Variants in STEAP3 observed in about 807,000 individuals in gnomAD.
The protein encoded by STEAP3 is STEAP3 metalloreductase.
STEAP3 carries 35 observed loss-of-function variants against 34.9 expected under a neutral mutation model. The observed-to-expected ratio is 1.00, with a 90% CI of 0.76 to 1.33. STEAP3 has a LOEUF of 1.33. Among genes scored for constraint, STEAP3 ranks in the 40% most tolerant of loss-of-function variants. The pLI, the probability that STEAP3 is intolerant of heterozygous loss-of-function variation, is 0.00. For synonymous variants in STEAP3, 281 were observed against 301.6 expected (o/e 0.93, Z 0.71); for missense variants, 652 against 667.6 (o/e 0.98, Z 0.26).
In STEAP3 at chr2:119,247,712, C is replaced by A. The variant is rs375189077; in HGVS notation, c.556C>A (p.Arg186Ser). ...CTGCGGTGACCAGCCAGAAGCCAAG[C>A]GTGCTGTCTCGGAGATGGCGCTCGC... ...PICGDQPEAK[R>S]AVSEMALAMG... The change falls in exon 4 of 6, where the codon CGT becomes AGT. Residue 186 changes from arginine to serine, a missense_variant. By Grantham distance (110) the Arg-to-Ser change is moderately radical (BLOSUM62 -1). Transcript: ENST00000393110. The A allele has an allele frequency of 1.9e-6, 3 of 1,553,526 alleles. No homozygotes were observed. The highest frequency in any genetic ancestry group is 2.7e-5 in the African/African-American group (2 of 73,578).
At chr2:119,243,370 CTCTG>C (rs1486160925) in intron 2 of STEAP3, among the ~76,000 whole-genome samples, 1 of 152,182 alleles carries the variant, frequency 6.6e-6, no homozygotes, top group Non-Finnish European at 1.5e-5. Context: ...GCTCATTGTT[CTCTG>C]TCTGGGCAGT....
chr2:119,253,892 G>T (rs1413004098), intron 4 of STEAP3, among the ~76,000 whole-genome samples: 1 of 152,152 alleles, frequency 6.6e-6, no homozygotes, highest in Non-Finnish European at 1.5e-5. Flanking sequence ...CCCAGGGCCT[G>T]GCACACAGTA....
chr2:119,254,139 T>G (rs527779982), intron 4 of STEAP3, among the ~76,000 whole-genome samples: 1 of 151,522 alleles, frequency 6.6e-6, no homozygotes, highest in East Asian at 1.9e-4. Context: ...GACAGAGGGC[T>G]CAGGGTGAGA....
At position 119,248,203 on chromosome 2, in the gene STEAP3, G is replaced by A; in HGVS notation, c.1047G>A (p.Lys349=). 2 of 1,580,962 alleles carry A rather than the reference G, an allele frequency of 1.3e-6. No homozygotes were observed. Among genetic ancestry groups the A allele is most frequent in the Non-Finnish European group, 1.7e-6 (2 of 1,162,142 alleles). ...ACGACCTGGTCAACCTGGCAGTCAAGCAGGTACCCACCCCATGCCCTTCCT... is the reference window on the plus strand; with the variant it reads ...ACGACCTGGTCAACCTGGCAGTCAAACAGGTACCCACCCCATGCCCTTCCT... ...HRYDLVNLAV[K]QVLANKSHLW... Residue 349 remains lysine, a synonymous_variant, in exon 4 of 6, where the codon AAG becomes AAA. Coordinates refer to ENST00000393110, the MANE Select transcript of STEAP3 (RefSeq NM_182915.3).
intron 5 of STEAP3, among the ~76,000 whole-genome samples, chr2:119,260,960 A>G (rs376504073): frequency 6.6e-6 from 1 of 152,198 alleles, no homozygotes; most frequent in Admixed American, 6.5e-5. Flanking sequence ...AGAAGGTTTT[A>G]TTTGGTTATT....
At chr2:119,254,014 G>A (rs1051498475) in intron 4 of STEAP3, among the ~76,000 whole-genome samples, 1 of 152,018 alleles carries the variant, frequency 6.6e-6, no homozygotes, top group African/African-American at 2.4e-5. Flanking sequence ...AACTGGGTAG[G>A]AAGAGGGGAG....
chr2:119,235,774 G>A (rs1409579505), intron 2 of STEAP3, among the ~76,000 whole-genome samples: 1 of 152,250 alleles, frequency 6.6e-6, no homozygotes, highest in African/African-American at 2.4e-5. Flanking sequence ...CAGAGGAGCA[G>A]TTGGTATAGG....
intron 4 of STEAP3, among the ~76,000 whole-genome samples, chr2:119,252,835 A>G (rs184199197): frequency 6.6e-6 from 1 of 152,132 alleles, no homozygotes; most frequent in Admixed American, 6.5e-5. Context: ...GCGTCACTGC[A>G]GACTGGAAAT....
intron 1 of STEAP3, among the ~76,000 whole-genome samples, chr2:119,225,989 C>T (rs1304174365): frequency 6.6e-6 from 1 of 152,230 alleles, no homozygotes; most frequent in East Asian, 1.9e-4. Context: ...GCCTTCCAGG[C>T]CTAGTGCTCT....
At chr2:119,250,222 C>T (rs1400191421) in intron 4 of STEAP3, among the ~76,000 whole-genome samples, 1 of 152,266 alleles carries the variant, frequency 6.6e-6, no homozygotes, top group Non-Finnish European at 1.5e-5. Context: ...TGAGCACCTA[C>T]TCTGCCAGGC....
rs768863824 is a variant in STEAP3, at chr2:119,243,410, G to A, written c.23-2079G>A. Among the ~76,000 whole-genome samples the A allele has an allele frequency of 5.9e-5, 9 of 152,132 alleles. 1 individual carries two copies. The highest frequency in any genetic ancestry group is 4.1e-4 in the South Asian group (2 of 4,832). On this transcript the variant is annotated intron_variant, in intron 2 of 5. Coordinates refer to ENST00000393110, the MANE Select transcript of STEAP3 (RefSeq NM_182915.3). ...AAGACGGAGTGAGGCTCTGACTGCC[G>A]AGGCAGACAGACCTGCCTCCTGCTC...
rs7581339 is a variant in STEAP3, at chr2:119,264,209, T to C, written c.*871T>C. ...TCACCCTTTCCATCTTCAGTTTGAA[T>C]GACTCCCAGGAAGGCCTAGAGCAGA... On this transcript the variant is annotated 3_prime_UTR_variant, in exon 6 of 6. Transcript: ENST00000393110. 143,186 of 152,744 alleles carry C rather than the reference T, an allele frequency of 0.94. 67,164 individuals carry two copies. The highest frequency in any genetic ancestry group is 1 in the East Asian group (5,146 of 5,152). The allele number at this position is 152,744 out of a possible 1,614,324, so 9.5% of individuals were successfully genotyped here.
chr2:119,240,319 G>A (rs1677209737), intron 2 of STEAP3, among the ~76,000 whole-genome samples: 1 of 152,262 alleles, frequency 6.6e-6, no homozygotes, highest in South Asian at 2.1e-4. Context: ...GTCCCCACAT[G>A]GGAGGCGTGC....
intron 2 of STEAP3, among the ~76,000 whole-genome samples, chr2:119,240,932 AC>A (rs1238053476): frequency 1.3e-5 from 2 of 152,040 alleles, no homozygotes; most frequent in African/African-American, 4.8e-5. Context: ...CCTGCCCCCA[AC>A]CCCTGCCAGC....
At position 119,263,727 on chromosome 2, in the gene STEAP3, A is replaced by C; in HGVS notation, c.*389A>C. On this transcript the variant is annotated 3_prime_UTR_variant, in exon 6 of 6. Coordinates refer to ENST00000393110, the MANE Select transcript of STEAP3 (RefSeq NM_182915.3). ...GCTTGTGCTGTGGTGGGTTCGATTT[A>C]TCCCTGCCCACCCCACCCCCACAAC... is the stretch of plus-strand genomic sequence containing the variant. The C allele has an allele frequency of 6.1e-6, 2 of 328,590 alleles. No individual in the cohort carries two copies. Among genetic ancestry groups the C allele is most frequent in the Non-Finnish European group, 5.9e-6 (1 of 170,648 alleles). The allele number at this position is 328,590 out of a possible 1,614,324, so 20.4% of individuals were successfully genotyped here. A position where few individuals can be genotyped will look rare whatever the true frequency, so the allele number is the denominator to read the frequency against.
At position 119,245,679 on chromosome 2, in the gene STEAP3, C is replaced by T. The variant is rs374014890; in HGVS notation, c.213C>T (p.Pro71=). The change falls in exon 3 of 6, where the codon CCC becomes CCT. Residue 71 remains proline (P), a synonymous_variant. Transcript: ENST00000393110. ...GFKVVVGSRN[P]KRTARLFPSA... The stretch of plus-strand genomic sequence containing the variant: ...AAGTGGTGGTGGGGAGCCGCAACCC[C>T]AAACGCACAGCCAGGCTGTTTCCCT... 1.6e-5 allele frequency: 26 copies of T among 1,613,666 alleles called. No homozygotes were observed. The highest frequency in any genetic ancestry group is 1.5e-4 in the South Asian group (14 of 91,086).
At chr2:119,235,594 G>C (rs1430738159) in intron 2 of STEAP3, among the ~76,000 whole-genome samples, 3 of 152,248 alleles carry the variant, frequency 2.0e-5, no homozygotes, top group Non-Finnish European at 4.4e-5. Flanking sequence ...CAGTCCTCCA[G>C]GTGACCCTGA....
rs1195687954 is a variant in STEAP3 at position 119,264,078 on chromosome 2, C to T, written c.*740C>T. The T allele has an allele frequency of 6.5e-6, 1 of 153,304 alleles. No homozygotes were observed. The highest frequency in any genetic ancestry group is 2.4e-5 in the African/African-American group (1 of 41,446). 9.5% of individuals were successfully genotyped at this position (153,304 alleles called of 1,614,324 possible). On this transcript the variant is annotated 3_prime_UTR_variant, in exon 6 of 6. Transcript: ENST00000393110. ...CAAATGGATCCTCCTGTGAGAGTGA[C>T]GTCACCTCCTTTCCAGAGCCATTAG...
intron 2 of STEAP3, among the ~76,000 whole-genome samples, chr2:119,240,514 G>C (rs1465920250): frequency 6.6e-6 from 1 of 152,230 alleles, no homozygotes; most frequent in East Asian, 1.9e-4. Context: ...ATGAAGAAGA[G>C]GCCATGGGGC....
Sources: gnomAD v4.1 joint callset for allele counts (sites outside exome capture counted in the v4.1 genomes callset) on GRCh38, gnomAD v4.1.1 for gene constraint, MANE v1.5 for transcripts, NCBI Gene and HGNC (gene_info 2026-07-23, HGNC 2026-07-21) for gene names.